TESMIN: variants seen among roughly 807,000 people sequenced by gnomAD.
The protein encoded by TESMIN is CXC domain containing 2.
A neutral mutation model predicts 47.4 loss-of-function variants in TESMIN; 34 were observed. That is an observed-to-expected ratio of 0.72 (90% confidence interval 0.55 to 0.96). TESMIN has a LOEUF of 0.96. Among genes scored for constraint, TESMIN ranks in the 40% least tolerant of loss-of-function variants. TESMIN has a pLI of 0.00. For missense variants in TESMIN, 610 were observed against 637.2 expected (o/e 0.96, Z 0.46); for synonymous variants, 278 against 258.9 (o/e 1.07, Z -0.71).
downstream of TESMIN, among the ~76,000 whole-genome samples, chr11:68,706,684 T>C (rs1330260036): frequency 6.6e-6 from 1 of 152,226 alleles, no homozygotes; most frequent in Non-Finnish European, 1.5e-5. Flanking sequence ...GAATGTGAAA[T>C]CTCAATCATT....
chr11:68,743,599 G>C (rs1315206420), intron 4 of TESMIN, among the ~76,000 whole-genome samples: 1 of 152,006 alleles, frequency 6.6e-6, no homozygotes, highest in Non-Finnish European at 1.5e-5. Context: ...TAAGTTGTTT[G>C]GATATAAATA....
chr11:68,715,267 A>G (rs1231083506), intron 7 of TESMIN, among the ~76,000 whole-genome samples: 1 of 152,238 alleles, frequency 6.6e-6, no homozygotes, highest in Non-Finnish European at 1.5e-5. Context: ...TGCCTAAAGA[A>G]AGGGATAAAA....
Position 68,750,276 on chromosome 11 carries a change from G to A in TESMIN, c.385C>T (p.Leu129=). The change falls in exon 2 of 10, where the codon CTA becomes TTA. Residue 129 remains leucine, a synonymous_variant. Transcript: ENST00000255087. The part of the protein sequence containing the change: ...ACNVHFLSSL[L]PAHRSPAVLP... Reference sequence around the variant, plus strand: ...ACCGCCGGGCTGCGGTGCGCGGGTAGCAGCGAGGACAGGAAGTGCACGTTG... The same window carrying A: ...ACCGCCGGGCTGCGGTGCGCGGGTAACAGCGAGGACAGGAAGTGCACGTTG... The A allele has an allele frequency of 6.5e-7, 1 of 1,548,388 alleles. No homozygotes were observed. The highest frequency in any genetic ancestry group is 2.4e-5 in the East Asian group (1 of 41,478).
chr11:68,748,664 TA>T (rs1350382640), intron 2 of TESMIN, among the ~76,000 whole-genome samples: 1 of 152,246 alleles, frequency 6.6e-6, no homozygotes, highest in Non-Finnish European at 1.5e-5. Flanking sequence ...CCATTCTGTT[TA>T]AACGATAAAC....
chr11:68,711,162 A>C, intron 8 of TESMIN, 113 bp from the exon 9 acceptor site: 1 of 925,482 alleles, frequency 1.1e-6, no homozygotes, highest in East Asian at 2.6e-5. Flanking sequence ...CATGACAGAG[A>C]GTGTGTGTGT....
intron 9 of TESMIN, among the ~76,000 whole-genome samples, chr11:68,709,243 G>A (rs1418471409): frequency 2.6e-5 from 4 of 152,192 alleles, no homozygotes; most frequent in Admixed American, 1.3e-4. Context: ...TGTCAAGCAC[G>A]TGGGCCAGGC....
At chr11:68,736,936 C>T (rs1338567338) in intron 6 of TESMIN, 2 of 985,286 alleles carry the variant, frequency 2.0e-6, no homozygotes, top group Admixed American at 6.2e-5. Flanking sequence ...GGCTGCAACA[C>T]ATAGAAGCCT....
intron 4 of TESMIN, chr11:68,744,742 A>C: frequency 6.7e-6 from 2 of 298,252 alleles, no homozygotes; most frequent in Non-Finnish European, 1.2e-5. Context: ...TGTTAGGATC[A>C]CAAAGCTCTC....
intron 6 of TESMIN, chr11:68,736,641 A>G: frequency 1.0e-6 from 1 of 984,462 alleles, no homozygotes; most frequent in Non-Finnish European, 1.2e-6. Context: ...ACAAATACAC[A>G]TCTCATGTTT....
At chr11:68,749,339 T>G (rs771962513) in intron 2 of TESMIN, among the ~76,000 whole-genome samples, 45 of 152,332 alleles carry the variant, frequency 3.0e-4, no homozygotes, top group Admixed American at 2.2e-3. Flanking sequence ...CCTGCTGCTC[T>G]GGCTTATGAT....
intron 6 of TESMIN, among the ~76,000 whole-genome samples, chr11:68,719,659 G>A (rs1191982230): frequency 6.6e-6 from 1 of 152,222 alleles, no homozygotes; most frequent in Non-Finnish European, 1.5e-5. Context: ...ACTATGTTTT[G>A]TCATGAGCCT....
chr11:68,730,579 G>A (rs1259547996), intron 6 of TESMIN, among the ~76,000 whole-genome samples: 1 of 152,174 alleles, frequency 6.6e-6, no homozygotes, highest in African/African-American at 2.4e-5. Flanking sequence ...CAGATCACCT[G>A]AGGTCAGGAG....
chr11:68,718,678 T>C (rs1946170286), intron 6 of TESMIN, among the ~76,000 whole-genome samples: 1 of 152,180 alleles, frequency 6.6e-6, no homozygotes, highest in Non-Finnish European at 1.5e-5. Flanking sequence ...CAAGACAGCA[T>C]GAGCACATTC....
chr11:68,747,763 T>C (rs1165198565), intron 2 of TESMIN, among the ~76,000 whole-genome samples: 1 of 152,198 alleles, frequency 6.6e-6, no homozygotes, highest in Non-Finnish European at 1.5e-5. Flanking sequence ...CCTGCCTTAA[T>C]AGTAGGACAA....
Position 68,721,369 on chromosome 11 carries a change from C to T in TESMIN, c.918-5430G>A, listed in dbSNP as rs144877494. On this transcript the variant is annotated intron_variant, in intron 6 of 9. Coordinates refer to ENST00000255087, the MANE Select transcript of TESMIN (RefSeq NM_004923.3). ...CAATCTACTTCCACCCAATGAACTC[C>T]CCCTAATCCAAACACACCTCCTCAG... 2.6e-4 allele frequency among the ~76,000 whole-genome samples: 39 copies of T among 152,218 alleles called. No homozygotes were observed. The East Asian group carries it at 7.5e-3, about 29-fold the overall frequency.
At chr11:68,714,494 A>T (rs78141121) in intron 7 of TESMIN, among the ~76,000 whole-genome samples, 2 of 152,178 alleles carry the variant, frequency 1.3e-5, no homozygotes, top group African/African-American at 4.8e-5. Flanking sequence ...TCAGACATAG[A>T]GGGCTTTAGG....
At chr11:68,736,287 A>T (rs575094007) in intron 6 of TESMIN, 11 of 985,450 alleles carry the variant, frequency 1.1e-5, no homozygotes, top group Admixed American at 1.2e-4. Flanking sequence ...GTTTTTATTA[A>T]TATGATAAGC....
At chr11:68,709,711 C>G (rs1009516354) in intron 9 of TESMIN, among the ~76,000 whole-genome samples, 1 of 152,196 alleles carries the variant, frequency 6.6e-6, no homozygotes, top group African/African-American at 2.4e-5. Flanking sequence ...AAAGATAGGG[C>G]TGCCCTTGGG....
At chr11:68,746,808 CAAGCGTTACCT>C (rs1257672236) in intron 3 of TESMIN, among the ~76,000 whole-genome samples, 1 of 152,180 alleles carries the variant, frequency 6.6e-6, no homozygotes, top group Non-Finnish European at 1.5e-5. Context: ...GTACCCTATA[CAAGCGTTACCT>C]GTTATCATGA....
Sources: gnomAD v4.1 joint callset for allele counts (sites outside exome capture counted in the v4.1 genomes callset) on GRCh38, gnomAD v4.1.1 for gene constraint, MANE v1.5 for transcripts, NCBI Gene and HGNC (gene_info 2026-07-23, HGNC 2026-07-21) for gene names.